The following PTPN14 variants were observed in gnomAD, a reference collection of about 807,000 sequenced individuals.
PTPN14 encodes the protein tyrosine-protein phosphatase non-receptor type 14.
In PTPN14, 53 loss-of-function variants were observed where a neutral mutation model predicts 126.8. The observed-to-expected ratio is 0.42, with a 90% confidence interval of 0.34 to 0.53. PTPN14 has a LOEUF of 0.53. PTPN14 is among the 20% of genes least tolerant of loss of function. The pLI, the probability that PTPN14 is intolerant of heterozygous loss-of-function variation, is 0.08. For synonymous variants in PTPN14, 630 were observed against 599.3 expected, an observed-to-expected ratio of 1.05 and a Z score of -0.75; for missense variants, 1,257 against 1,552.9, an observed-to-expected ratio of 0.81 and a Z score of 3.20.
At chr1:214,476,977 A>G (rs1031480566) in intron 1 of PTPN14, among the ~76,000 whole-genome samples, 1 of 152,216 alleles carries the variant, frequency 6.6e-6, no homozygotes, top group African/African-American at 2.4e-5. Context: ...TGTTTTCCCA[A>G]CAAGCCAATT....
chr1:214,473,286 T>C (rs896266500), intron 1 of PTPN14, among the ~76,000 whole-genome samples: 5 of 152,232 alleles, frequency 3.3e-5, no homozygotes, highest in South Asian at 2.1e-4. Context: ...ATCAACCAAA[T>C]GCAGCGTATT....
intron 3 of PTPN14, among the ~76,000 whole-genome samples, chr1:214,450,995 A>C (rs188985360): frequency 1.0e-3 from 157 of 152,264 alleles, no homozygotes; most frequent in African/African-American, 3.6e-3. Context: ...AGTAGGGACA[A>C]TCATCAAAAC....
intron 1 of PTPN14, among the ~76,000 whole-genome samples, chr1:214,486,107 C>A (rs1661106499): frequency 6.6e-6 from 1 of 152,152 alleles, no homozygotes; most frequent in African/African-American, 2.4e-5. Context: ...AATTACTCTG[C>A]AGGCAGGGGT....
At chr1:214,373,604 C>T (rs981742096) in intron 15 of PTPN14, among the ~76,000 whole-genome samples, 1 of 131,702 alleles carries the variant, frequency 7.6e-6, no homozygotes, top group Non-Finnish European at 1.7e-5. Flanking sequence ...CACACACACA[C>T]ACACCTGGTC....
Position 214,465,450 on chromosome 1 carries a change from A to AAAT in PTPN14, c.-154-494_-154-493insATT, listed in dbSNP as rs1291741263. On this transcript the variant is annotated intron_variant, in intron 1 of 18. Transcript: ENST00000366956. ...CACAATGAGACCCTGTCTCTACAAAAAAATAAATAAATAAATAAAAATTAG... is the reference window on the plus strand; with the variant it reads ...CACAATGAGACCCTGTCTCTACAAAAAATAAATAAATAAATAAATAAAAATTAG... 1.7e-3 allele frequency among the ~76,000 whole-genome samples: 252 copies of AAAT among 151,684 alleles called. 3 individuals carry two copies. Among genetic ancestry groups the AAAT allele is most frequent in the Non-Finnish European group, 1.9e-3 (132 of 67,924 alleles).
chr1:214,472,992 T>C (rs1274673817), intron 1 of PTPN14, among the ~76,000 whole-genome samples: 1 of 152,238 alleles, frequency 6.6e-6, no homozygotes, highest in Non-Finnish European at 1.5e-5. Context: ...TTATATAGAA[T>C]AGGCTACATT....
chr1:214,531,994 T>C (rs1055468372), intron 1 of PTPN14: 4 of 154,308 alleles, frequency 2.6e-5, no homozygotes, highest in African/African-American at 9.6e-5. Flanking sequence ...TGAGCAGGTT[T>C]GACCACTTGT....
chr1:214,537,231 T>C (rs1030227971), intron 1 of PTPN14, among the ~76,000 whole-genome samples: 20 of 152,192 alleles, frequency 1.3e-4, no homozygotes, highest in African/African-American at 4.3e-4. Context: ...GATGATACCT[T>C]TCACTGCTAG....
chr1:214,402,520 C>G (rs958585557), intron 6 of PTPN14, among the ~76,000 whole-genome samples: 15 of 150,220 alleles, frequency 1.0e-4, no homozygotes, highest in African/African-American at 3.4e-4. Context: ...CTGGTGCTTC[C>G]TTGAATTAAA....
Position 214,376,432 on chromosome 1 carries a change from T to C in PTPN14, c.2694A>G (p.Arg898=), listed in dbSNP as rs774684371. The change falls in exon 15 of 19, where the codon AGA becomes AGG. Residue 898 remains arginine, a synonymous_variant. Transcript: ENST00000366956. ...ATRVPMDERF[R]TLKKKLEEGM... ...CCTCTTCTAGTTTCTTCTTCAGGGTTCTGAACTGCAACAGAAATTGATCTT... is the reference window on the plus strand; with the variant it reads ...CCTCTTCTAGTTTCTTCTTCAGGGTCCTGAACTGCAACAGAAATTGATCTT... 3 of 1,610,754 alleles carry C rather than the reference T, an allele frequency of 1.9e-6. No homozygotes were observed. Among genetic ancestry groups the C allele is most frequent in the Non-Finnish European group, 2.5e-6 (3 of 1,177,098 alleles).
chr1:214,408,700 G>C (rs1659227303), intron 5 of PTPN14, among the ~76,000 whole-genome samples: 1 of 152,184 alleles, frequency 6.6e-6, no homozygotes, highest in Non-Finnish European at 1.5e-5. Flanking sequence ...TGATTTAACA[G>C]GAAGGATGGT....
chr1:214,540,908 T>A (rs1289247310), intron 1 of PTPN14, among the ~76,000 whole-genome samples: 1 of 152,070 alleles, frequency 6.6e-6, no homozygotes, highest in African/African-American at 2.4e-5. Context: ...TGTTTTGAAG[T>A]TTTTTTGGAC....
At chr1:214,541,994 C>T (rs1655848532) in intron 1 of PTPN14, among the ~76,000 whole-genome samples, 2 of 152,132 alleles carry the variant, frequency 1.3e-5, no homozygotes, top group Non-Finnish European at 2.9e-5. Context: ...TTCCATCACT[C>T]AGCTTAGGAA....
chr1:214,492,769 G>A (rs1171795861), intron 1 of PTPN14, among the ~76,000 whole-genome samples: 5 of 152,030 alleles, frequency 3.3e-5, no homozygotes, highest in Non-Finnish European at 7.4e-5. Flanking sequence ...TTAGCTGGGG[G>A]TGGTGGTGCA....
chr1:214,459,533 G>A (rs140632930), intron 2 of PTPN14, among the ~76,000 whole-genome samples: 3,749 of 145,806 alleles, frequency 0.026, 177 homozygotes, highest in African/African-American at 0.092. Context: ...GCAGTGGCGC[G>A]ATCTTGGTTC....
chr1:214,420,854 C>T lies in PTPN14; in HGVS notation c.345-6128G>A, dbSNP rs545931226. Among the ~76,000 whole-genome samples the T allele has an allele frequency of 1.8e-4, 27 of 152,268 alleles. 1 individual carries two copies. Among genetic ancestry groups the T allele is most frequent in the African/African-American group, 6.0e-4 (25 of 41,558 alleles). On this transcript the variant is annotated intron_variant, in intron 3 of 18. Coordinates refer to ENST00000366956, the MANE Select transcript of PTPN14 (RefSeq NM_005401.5). ...TGGTTCCCTGCTGAGGGCTGTGATGCCCTGAATTAGGAAAACATGCCAACA... is the reference window on the plus strand; with the variant it reads ...TGGTTCCCTGCTGAGGGCTGTGATGTCCTGAATTAGGAAAACATGCCAACA...
chr1:214,454,964 A>G (rs143790485), intron 2 of PTPN14, among the ~76,000 whole-genome samples: 2 of 151,426 alleles, frequency 1.3e-5, no homozygotes, highest in African/African-American at 4.9e-5. Flanking sequence ...GTCCATCCCC[A>G]CCCTGATTTT....
At chr1:214,521,191 T>G (rs1655245641) in intron 1 of PTPN14, among the ~76,000 whole-genome samples, 1 of 152,234 alleles carries the variant, frequency 6.6e-6, no homozygotes, top group African/African-American at 2.4e-5. Flanking sequence ...CCACATGGCA[T>G]GTTAATCGCT....
At chr1:214,465,699 A>T (rs2102653883) in intron 1 of PTPN14, among the ~76,000 whole-genome samples, 1 of 152,146 alleles carries the variant, frequency 6.6e-6, no homozygotes. Flanking sequence ...TAAATTTCTA[A>T]ATATATTGTC....
Sources: gnomAD v4.1 joint callset for allele counts (sites outside exome capture counted in the v4.1 genomes callset) on GRCh38, gnomAD v4.1.1 for gene constraint, MANE v1.5 for transcripts, NCBI Gene and HGNC (gene_info 2026-07-23, HGNC 2026-07-21) for gene names.